Variants in LEF1 observed in about 807,000 individuals in gnomAD.
LEF1 encodes the protein lymphoid enhancer-binding factor 1.
Under a neutral mutation model 51.2 loss-of-function variants are expected in LEF1, and 14 were observed. The observed-to-expected ratio is 0.27, with a 90% CI of 0.18 to 0.43. The LOEUF (loss-of-function observed/expected upper bound fraction) is 0.43. Ranked by LOEUF, LEF1 falls within the 20% of genes least tolerant of loss-of-function variation. The probability of loss-of-function intolerance (pLI) is 1.00; values close to 1 mark genes in which losing one functional copy is unlikely to be tolerated. For synonymous variants in LEF1, 185 were observed against 183.2 expected (o/e 1.01, Z -0.08); for missense variants, 386 against 512.0 (o/e 0.75, Z 2.37).
chr4:108,083,954 T>A (rs1739479381), intron 4 of LEF1, among the ~76,000 whole-genome samples: 1 of 152,218 alleles, frequency 6.6e-6, no homozygotes, highest in South Asian at 2.1e-4. Context: ...GGAATCATCT[T>A]CAGCCCCATA....
chr4:108,166,361 C>T, intron 1 of LEF1: 2 of 1,499,552 alleles, frequency 1.3e-6, no homozygotes, highest in Non-Finnish European at 1.8e-6. Context: ...AAACCACACA[C>T]TTTCTTTTTG....
chr4:108,099,507 T>C (rs1365695526), intron 3 of LEF1, among the ~76,000 whole-genome samples: 2 of 132,796 alleles, frequency 1.5e-5, no homozygotes, highest in African/African-American at 2.6e-5. Context: ...TATGTATATA[T>C]ATATGTGTAT....
chr4:108,132,969 G>A (rs4956160), intron 3 of LEF1, among the ~76,000 whole-genome samples: 1,725 of 151,294 alleles, frequency 0.011, 10 homozygotes, highest in Non-Finnish European at 0.017. Flanking sequence ...CCTGAAATCT[G>A]CATTTCTTTT....
At chr4:108,152,709 G>A (rs186941991) in intron 3 of LEF1, among the ~76,000 whole-genome samples, 41 of 152,190 alleles carry the variant, frequency 2.7e-4, no homozygotes, top group Admixed American at 5.9e-4. Context: ...TGTTAAAAGC[G>A]CATCTACATG....
Position 108,048,093 on chromosome 4 carries a change from T to C in LEF1, c.*665A>G, listed in dbSNP as rs1010544633. On this transcript the variant is annotated 3_prime_UTR_variant, in exon 12 of 12. Coordinates refer to ENST00000265165, the MANE Select transcript of LEF1 (RefSeq NM_016269.5). Reference sequence around the variant, plus strand: ...TTCTTTTTATGTCATTATTTCAAACTTTTCCAGAACTTTCAATTTTATTTA... The same window carrying C: ...TTCTTTTTATGTCATTATTTCAAACCTTTCCAGAACTTTCAATTTTATTTA... 2.0e-5 allele frequency: 3 copies of C among 152,560 alleles called. No homozygotes were observed. The highest frequency in any genetic ancestry group is 7.2e-5 in the African/African-American group (3 of 41,420). The allele number at this position is 152,560 out of a possible 1,614,324, so 9.5% of individuals were successfully genotyped here. A position where few individuals can be genotyped will look rare whatever the true frequency, so the allele number is the denominator to read the frequency against.
rs1745534215 is a variant in LEF1 at position 108,168,107 on chromosome 4, GGCCACCCC to G, written c.-348_-341del. ...GCGCGCTAGACGAGGCTGCCCCGGC[GGCCACCCC>G]GCGACCCCGCGTCGCCGGGATTTGC... On this transcript the variant is annotated 5_prime_UTR_variant, in exon 1 of 12. Transcript: ENST00000265165. This position sits in a 1 kb window ranked among gnomAD's most constrained non-coding sequence, Gnocchi z 4.6. 2 of 153,362 alleles carry G rather than the reference GGCCACCCC, an allele frequency of 1.3e-5. No individual in the cohort carries two copies. Among genetic ancestry groups the G allele is most frequent in the East Asian group, 3.8e-4 (2 of 5,198 alleles). The allele number at this position is 153,362 out of a possible 1,614,324, so 9.5% of individuals were successfully genotyped here. A position where few individuals can be genotyped will look rare whatever the true frequency, so the allele number is the denominator to read the frequency against.
At chr4:108,061,107 C>T (rs900953600) in intron 11 of LEF1, among the ~76,000 whole-genome samples, 2 of 152,128 alleles carry the variant, frequency 1.3e-5, no homozygotes, top group African/African-American at 2.4e-5. Flanking sequence ...ACTTCAAAGG[C>T]TGCATGACTG....
At chr4:108,110,266 G>T (rs1003883446) in intron 3 of LEF1, among the ~76,000 whole-genome samples, 2 of 152,150 alleles carry the variant, frequency 1.3e-5, no homozygotes, top group Non-Finnish European at 2.9e-5. Context: ...TTTCCTTATA[G>T]AGCATGTTTT....
At chr4:108,146,817 A>T (rs151070117) in intron 3 of LEF1, among the ~76,000 whole-genome samples, 37 of 152,336 alleles carry the variant, frequency 2.4e-4, no homozygotes, top group East Asian at 2.3e-3. Flanking sequence ...CTCAACCTGT[A>T]TCGATAAAAC....
At chr4:108,070,400 T>G (rs1738388139) in intron 9 of LEF1, 1 of 274,622 alleles carries the variant, frequency 3.6e-6, no homozygotes. Flanking sequence ...TTAATGTTTC[T>G]TTTATCAAAT....
At chr4:108,051,523 G>C (rs1193216466) in intron 11 of LEF1, among the ~76,000 whole-genome samples, 3 of 152,224 alleles carry the variant, frequency 2.0e-5, no homozygotes, top group Non-Finnish European at 4.4e-5. Flanking sequence ...AGCTGGGCCA[G>C]GCCAGGCGAG....
In LEF1 at chr4:108,167,865, T is replaced by C. The variant is rs1156879111; in HGVS notation, c.-98A>G. The C allele has an allele frequency of 2.0e-5, 22 of 1,104,628 alleles. No individual in the cohort carries two copies. Among genetic ancestry groups the C allele is most frequent in the Non-Finnish European group, 2.8e-5 (21 of 759,062 alleles). 68.4% of individuals were successfully genotyped at this position (1,104,628 alleles called of 1,614,324 possible). ...CAAGGGTGGGGGAGGAAAGGAGAGT[T>C]GGAAGGGTTCGTGCAGCAGGACAGC... On this transcript the variant is annotated 5_prime_UTR_variant, in exon 1 of 12. Transcript: ENST00000265165. This position sits in a 1 kb window ranked among gnomAD's most constrained non-coding sequence, Gnocchi z 5.7.
chr4:108,136,321 C>A (rs186342843), intron 3 of LEF1, among the ~76,000 whole-genome samples: 1 of 152,164 alleles, frequency 6.6e-6, no homozygotes, highest in Non-Finnish European at 1.5e-5. Context: ...CTACTATATG[C>A]GTATTCCCCC....
intron 3 of LEF1, among the ~76,000 whole-genome samples, chr4:108,102,508 A>G (rs189193481): frequency 5.7e-4 from 87 of 152,294 alleles, no homozygotes; most frequent in Non-Finnish European, 1.1e-3. Flanking sequence ...CAGTTGGACA[A>G]GTCTGTGATG....
At chr4:108,166,570 T>C (rs1363758952) in intron 1 of LEF1, 1 of 1,184,338 alleles carries the variant, frequency 8.4e-7, no homozygotes, top group Non-Finnish European at 1.0e-6. Context: ...AGCTCTGGAC[T>C]AGGCTTCAAA....
chr4:108,056,976 C>G (rs1737348916), intron 11 of LEF1, among the ~76,000 whole-genome samples: 1 of 151,870 alleles, frequency 6.6e-6, no homozygotes, highest in South Asian at 2.1e-4. Context: ...GAAGTTTTCC[C>G]AGGAGGTGCC....
intron 3 of LEF1, among the ~76,000 whole-genome samples, chr4:108,110,591 A>G (rs1423405833): frequency 1.3e-5 from 2 of 152,144 alleles, no homozygotes; most frequent in Non-Finnish European, 2.9e-5. Flanking sequence ...CTCTCAGGAA[A>G]TCACCACAGC....
intron 8 of LEF1, among the ~76,000 whole-genome samples, chr4:108,075,113 A>G (rs1214376818): frequency 6.6e-6 from 1 of 152,198 alleles, no homozygotes; most frequent in Non-Finnish European, 1.5e-5. Context: ...TTGGGAAAGC[A>G]TTGTAATTAT....
intron 3 of LEF1, among the ~76,000 whole-genome samples, chr4:108,123,987 T>A (rs546235944): frequency 1.5e-3 from 225 of 151,780 alleles, no homozygotes; most frequent in African/African-American, 5.1e-3. Context: ...TACAAAAAAA[T>A]AAAAACTAAA....
Sources: gnomAD v4.1 joint callset for allele counts (sites outside exome capture counted in the v4.1 genomes callset) on GRCh38, gnomAD v4.1.1 for gene constraint, Gnocchi (gnomAD v3.1) non-coding constraint, MANE v1.5 for transcripts, NCBI Gene and HGNC (gene_info 2026-07-23, HGNC 2026-07-21) for gene names.